Variants in MPZL1 observed in about 807,000 individuals in gnomAD.
MPZL1 encodes myelin protein zero-like protein 1.
In MPZL1, 16 loss-of-function variants were observed where a neutral mutation model predicts 29.3. That is an observed-to-expected ratio of 0.55 (90% confidence interval 0.37 to 0.83). MPZL1 has a LOEUF of 0.83. Ranked by LOEUF, MPZL1 falls within the 40% of genes least tolerant of loss-of-function variation. The pLI, the probability that MPZL1 is intolerant of heterozygous loss-of-function variation, is 0.00. For synonymous variants in MPZL1, 143 were observed against 132.0 expected (o/e 1.08, Z -0.57); for missense variants, 279 against 332.9 (o/e 0.84, Z 1.26).
At chr1:167,739,475 G>A (rs1415404204) in intron 1 of MPZL1, among the ~76,000 whole-genome samples, 2 of 151,580 alleles carry the variant, frequency 1.3e-5, no homozygotes, top group East Asian at 3.9e-4. Context: ...TTTGTTAATT[G>A]AAAGTTTTTA....
chr1:167,747,680 T>C (rs1195558522), intron 1 of MPZL1, among the ~76,000 whole-genome samples: 1 of 152,214 alleles, frequency 6.6e-6, no homozygotes, highest in African/African-American at 2.4e-5. Context: ...TTTATGGAGA[T>C]GTGAGCAAAT....
intron 1 of MPZL1, among the ~76,000 whole-genome samples, chr1:167,748,309 G>A (rs1243096572): frequency 6.6e-6 from 1 of 152,114 alleles, no homozygotes; most frequent in Non-Finnish European, 1.5e-5. Context: ...CTACTGGTTA[G>A]TGCCATCTTT....
chr1:167,725,121 C>T (rs4531271), intron 1 of MPZL1, among the ~76,000 whole-genome samples: 1 of 152,194 alleles, frequency 6.6e-6, no homozygotes, highest in Non-Finnish European at 1.5e-5. Context: ...GGCCAGAAAC[C>T]TAGGGTCCAT....
intron 2 of MPZL1, among the ~76,000 whole-genome samples, chr1:167,769,954 A>C (rs1477015317): frequency 6.6e-6 from 1 of 152,190 alleles, no homozygotes; most frequent in East Asian, 1.9e-4. Context: ...ATCAAGGATG[A>C]CTTCAAGATT....
rs1029236797 is a variant in MPZL1, at chr1:167,789,568, A to G, written c.*1647A>G. The G allele has an allele frequency of 6.6e-6, 1 of 152,222 alleles. No homozygotes were observed. The highest frequency in any genetic ancestry group is 1.5e-5 in the Non-Finnish European group (1 of 68,046). The allele number at this position is 152,222 out of a possible 1,614,324, so 9.4% of individuals were successfully genotyped here. ...CACAAGGTGGTAAGATAAAGGGCAT[A>G]TGAGCTTCAAAACTAATGCTGTTGC... On this transcript the variant is annotated 3_prime_UTR_variant, in exon 6 of 6. Transcript: ENST00000359523.
intron 1 of MPZL1, among the ~76,000 whole-genome samples, chr1:167,733,632 C>T (rs922814866): frequency 1.3e-5 from 2 of 152,100 alleles, no homozygotes; most frequent in Non-Finnish European, 2.9e-5. Flanking sequence ...GTAATCCCAG[C>T]TACTCAGGAG....
intron 1 of MPZL1, among the ~76,000 whole-genome samples, chr1:167,738,185 A>G (rs909273898): frequency 6.6e-6 from 1 of 152,092 alleles, no homozygotes; most frequent in African/African-American, 2.4e-5. Context: ...CGGCCTCCCA[A>G]AGTGCTAGGA....
intron 5 of MPZL1, chr1:167,787,055 T>G (rs1320141855): frequency 1.3e-5 from 2 of 152,216 alleles, no homozygotes; most frequent in Non-Finnish European, 2.9e-5. Context: ...TTCCCTGGAA[T>G]TGTAACCTCT....
intron 1 of MPZL1, among the ~76,000 whole-genome samples, chr1:167,751,298 T>C (rs1660749982): frequency 6.6e-6 from 1 of 152,196 alleles, no homozygotes; most frequent in Non-Finnish European, 1.5e-5. Flanking sequence ...ATGGTTGTGA[T>C]GTTTAAAAAA....
At chr1:167,767,854 A>G (rs999864187) in intron 2 of MPZL1, among the ~76,000 whole-genome samples, 10 of 117,054 alleles carry the variant, frequency 8.5e-5, no homozygotes, top group Non-Finnish European at 1.9e-4. Flanking sequence ...TTTTGTAATC[A>G]TTTTGTTTTG....
chr1:167,723,306 A>G (rs1009069130), intron 1 of MPZL1, among the ~76,000 whole-genome samples: 1 of 152,220 alleles, frequency 6.6e-6, no homozygotes, highest in African/African-American at 2.4e-5. Context: ...AAAAGTTCTT[A>G]ATATAATCCT....
Position 167,788,114 on chromosome 1 carries a change from C to T in MPZL1, c.*193C>T. 1 of 512,554 alleles carries T rather than the reference C, an allele frequency of 2.0e-6. No homozygotes were observed. Among genetic ancestry groups the T allele is most frequent in the South Asian group, 3.1e-5 (1 of 32,342 alleles). The allele number at this position is 512,554 out of a possible 1,614,324, so 31.8% of individuals were successfully genotyped here. A position where few individuals can be genotyped will look rare whatever the true frequency, so the allele number is the denominator to read the frequency against. ...TATTTAGTCATCCTGATATGAGGAG[C>T]CAGTGTTGCATGATGAAAAGATGGT... On this transcript the variant is annotated 3_prime_UTR_variant, in exon 6 of 6. Transcript: ENST00000359523.
intron 1 of MPZL1, among the ~76,000 whole-genome samples, chr1:167,738,641 T>C (rs909572423): frequency 2.6e-5 from 4 of 152,192 alleles, no homozygotes; most frequent in Non-Finnish European, 4.4e-5. Flanking sequence ...CTCTTGGTGC[T>C]GTTCTCTTGA....
chr1:167,775,402 T>C (rs1661344321), intron 4 of MPZL1, among the ~76,000 whole-genome samples: 1 of 152,244 alleles, frequency 6.6e-6, no homozygotes, highest in Non-Finnish European at 1.5e-5. Flanking sequence ...CTTCCTGGCA[T>C]TCACTTTCCC....
At chr1:167,725,538 T>C (rs943723104) in intron 1 of MPZL1, among the ~76,000 whole-genome samples, 3 of 152,180 alleles carry the variant, frequency 2.0e-5, no homozygotes, top group African/African-American at 7.2e-5. Context: ...CAGGCTGGAG[T>C]GCAGTAGCGT....
intron 1 of MPZL1, among the ~76,000 whole-genome samples, chr1:167,756,429 ATTTTTTTTTTTTTT>A (rs11455159): frequency 2.1e-5 from 2 of 94,632 alleles, no homozygotes; most frequent in Admixed American, 1.2e-4. Flanking sequence ...GTCTGGCCAG[ATTTTTTTTTTTTTT>A]TTTTTTTTTT....
At chr1:167,771,424 CTCTT>C (rs1661245304) in intron 2 of MPZL1, among the ~76,000 whole-genome samples, 1 of 152,198 alleles carries the variant, frequency 6.6e-6, no homozygotes. Context: ...AATCTGATCT[CTCTT>C]TCTTTTCCCC....
intron 1 of MPZL1, among the ~76,000 whole-genome samples, chr1:167,742,596 T>C (rs1424180627): frequency 6.6e-6 from 1 of 152,176 alleles, no homozygotes; most frequent in Non-Finnish European, 1.5e-5. Flanking sequence ...GTTGTCTGTT[T>C]ACTCTGCTGA....
chr1:167,784,561 G>C (rs1661555453), intron 5 of MPZL1, among the ~76,000 whole-genome samples: 1 of 152,126 alleles, frequency 6.6e-6, no homozygotes, highest in Non-Finnish European at 1.5e-5. Context: ...CCTCAAAATC[G>C]AGGTGCTGAG....
Sources: allele counts gnomAD v4.1 joint callset (sites outside exome capture counted in the v4.1 genomes callset), GRCh38; gene constraint gnomAD v4.1.1; transcripts MANE v1.5; gene names NCBI Gene and HGNC (gene_info 2026-07-23, HGNC 2026-07-21).